HEMK2: variants seen among roughly 807,000 people sequenced by gnomAD.
HEMK2 encodes HemK methyltransferase 2, ETF1 glutamine and histone H4 lysine.
chr21:28,612,268 T>C, the HEMK2 span, among the ~76,000 whole-genome samples: 1 of 151,652 alleles, frequency 6.6e-6, no homozygotes, highest in African/African-American at 2.4e-5. Flanking sequence ...AATGCAGGAA[T>C]AGTTTAACAT....
the HEMK2 span, among the ~76,000 whole-genome samples, chr21:28,689,909 T>C: frequency 4.6e-5 from 7 of 152,158 alleles, no homozygotes; most frequent in Non-Finnish European, 8.8e-5. Flanking sequence ...CTTAAGAAGC[T>C]GAGTATATTA....
the HEMK2 span, among the ~76,000 whole-genome samples, chr21:28,808,361 C>A: frequency 6.6e-6 from 1 of 151,460 alleles, no homozygotes; most frequent in African/African-American, 2.4e-5. Context: ...TGTTCTAGAT[C>A]CCTTGCATTT....
At chr21:28,863,826 C>T in the HEMK2 span, among the ~76,000 whole-genome samples, 1 of 151,912 alleles carries the variant, frequency 6.6e-6, no homozygotes, top group East Asian at 1.9e-4. Context: ...ACAGTCTTTT[C>T]TATAATTTAT....
At chr21:28,619,141 T>C in the HEMK2 span, among the ~76,000 whole-genome samples, 432 of 152,256 alleles carry the variant, frequency 2.8e-3, 2 homozygotes, top group African/African-American at 7.5e-3. Context: ...GAGAGAAGCC[T>C]GGAGTGGATT....
At chr21:28,707,995 C>T in the HEMK2 span, among the ~76,000 whole-genome samples, 2 of 152,140 alleles carry the variant, frequency 1.3e-5, no homozygotes, top group Non-Finnish European at 2.9e-5. Flanking sequence ...TCGGTGTGAA[C>T]TTGGCTAGGA....
the HEMK2 span, chr21:28,876,388 A>T: frequency 6.2e-7 from 1 of 1,603,006 alleles, no homozygotes; most frequent in Non-Finnish European, 8.5e-7. Flanking sequence ...CTGTATGCTA[A>T]GACTTGGTGA....
chr21:28,682,113 C>A, the HEMK2 span, among the ~76,000 whole-genome samples: 1 of 151,882 alleles, frequency 6.6e-6, no homozygotes, highest in Non-Finnish European at 1.5e-5. Flanking sequence ...AGTGAACAGG[C>A]AACCTACAGA....
At chr21:28,833,540 A>C in the HEMK2 span, among the ~76,000 whole-genome samples, 2 of 152,246 alleles carry the variant, frequency 1.3e-5, no homozygotes, top group Admixed American at 1.3e-4. Context: ...CTTTAACTAA[A>C]CAGAAACTAT....
the HEMK2 span, among the ~76,000 whole-genome samples, chr21:28,806,181 C>T: frequency 6.6e-6 from 1 of 152,194 alleles, no homozygotes; most frequent in African/African-American, 2.4e-5. Flanking sequence ...CCTGATCAGC[C>T]TGTGATGCCT....
chr21:28,817,319 T>C, the HEMK2 span, among the ~76,000 whole-genome samples: 2 of 152,156 alleles, frequency 1.3e-5, no homozygotes, highest in Non-Finnish European at 2.9e-5. Flanking sequence ...CTCAAGGATG[T>C]ATTCCAAAAA....
chr21:28,819,457 G>A, the HEMK2 span, among the ~76,000 whole-genome samples: 2 of 151,554 alleles, frequency 1.3e-5, no homozygotes, highest in Non-Finnish European at 2.9e-5. Context: ...GAGAATATTT[G>A]GGCAATCTTT....
At chr21:28,815,125 C>A in the HEMK2 span, among the ~76,000 whole-genome samples, 38 of 150,124 alleles carry the variant, frequency 2.5e-4, 1 homozygote, top group African/African-American at 8.3e-4. Context: ...CAAACTATCG[C>A]AAGGACAAAA....
At chr21:28,683,703 G>A in the HEMK2 span, among the ~76,000 whole-genome samples, 2 of 152,200 alleles carry the variant, frequency 1.3e-5, no homozygotes, top group Non-Finnish European at 1.5e-5. Context: ...TCCAGTGTTA[G>A]CGATTATGAA....
the HEMK2 span, among the ~76,000 whole-genome samples, chr21:28,714,637 CT>C: frequency 1.3e-5 from 2 of 152,166 alleles, no homozygotes; most frequent in South Asian, 4.1e-4. Context: ...CAAACATAAT[CT>C]TCATTTTTAA....
chr21:28,786,196 A>G, the HEMK2 span, among the ~76,000 whole-genome samples: 5 of 152,224 alleles, frequency 3.3e-5, no homozygotes, highest in Non-Finnish European at 5.9e-5. Context: ...TCACACCGCC[A>G]TGTTTCAATC....
chr21:28,688,178 A>G, the HEMK2 span, among the ~76,000 whole-genome samples: 9 of 152,238 alleles, frequency 5.9e-5, no homozygotes, highest in Admixed American at 2.0e-4. Flanking sequence ...CAAACTGCAT[A>G]ACACAACTTG....
chr21:28,819,306 AG>A, the HEMK2 span, among the ~76,000 whole-genome samples: 3 of 150,244 alleles, frequency 2.0e-5, no homozygotes, highest in African/African-American at 7.4e-5. Flanking sequence ...AAAAAAAAAA[AG>A]GCCCTGGTCA....
chr21:28,625,613 A>G, the HEMK2 span, among the ~76,000 whole-genome samples: 2 of 152,108 alleles, frequency 1.3e-5, no homozygotes. Flanking sequence ...CCAGAGGCTG[A>G]GGCACAAGAA....
chr21:28,743,453 A>G, the HEMK2 span, among the ~76,000 whole-genome samples: 1 of 152,204 alleles, frequency 6.6e-6, no homozygotes, highest in Non-Finnish European at 1.5e-5. Flanking sequence ...AATTCAGCCC[A>G]TAACAGGAAA....
Sources: gnomAD v4.1 joint callset for allele counts (sites outside exome capture counted in the v4.1 genomes callset) on GRCh38, gnomAD v4.1.1 for gene constraint, MANE v1.5 for transcripts, NCBI Gene and HGNC (gene_info 2026-07-23, HGNC 2026-07-21) for gene names.